The following LRP2 variants were observed in gnomAD, a reference collection of about 807,000 sequenced individuals.
The protein encoded by LRP2 is low-density lipoprotein receptor-related protein 2.
LRP2 carries 172 observed loss-of-function variants against 531.0 expected under a neutral mutation model. The observed-to-expected ratio is 0.32, with a 90% CI of 0.29 to 0.37. The LOEUF (loss-of-function observed/expected upper bound fraction) is 0.37. Ranked by LOEUF, LRP2 falls within the 10% of genes least tolerant of loss-of-function variation. The probability of loss-of-function intolerance (pLI) is 1.00; values close to 1 mark genes in which losing one functional copy is unlikely to be tolerated. For synonymous variants in LRP2, 1,992 were observed against 2,027.6 expected (o/e 0.98, Z 0.47); for missense variants, 5,167 against 5,868.3 (o/e 0.88, Z 3.90).
At chr2:169,140,594 A>C (rs754531012) in intron 71 of LRP2, 49 bp from the exon 72 acceptor site, 1 of 1,443,870 alleles carries the variant, frequency 6.9e-7, no homozygotes, top group Non-Finnish European at 9.7e-7. Flanking sequence ...TACTCAGCAG[A>C]GTGCCCACAC....
intron 62 of LRP2, among the ~76,000 whole-genome samples, chr2:169,164,914 G>A (rs1470035078): frequency 6.6e-6 from 1 of 152,184 alleles, no homozygotes; most frequent in Non-Finnish European, 1.5e-5. Context: ...TTTGGGGAAG[G>A]GGGAAATCTG....
At chr2:169,340,893 T>C (rs553198820) in intron 1 of LRP2, among the ~76,000 whole-genome samples, 1 of 152,252 alleles carries the variant, frequency 6.6e-6, no homozygotes, top group South Asian at 2.1e-4. Flanking sequence ...AACAAAAATT[T>C]CTTGAGTGCA....
At chr2:169,240,099 C>A (rs1559034990) in intron 25 of LRP2, among the ~76,000 whole-genome samples, 2 of 139,374 alleles carry the variant, frequency 1.4e-5, no homozygotes, top group East Asian at 4.8e-4. Flanking sequence ...ATTGATAGAG[C>A]ATGCAAAGAC....
At chr2:169,267,009 T>TC in intron 16 of LRP2, among the ~76,000 whole-genome samples, 1 of 150,420 alleles carries the variant, frequency 6.6e-6, no homozygotes, top group East Asian at 2.0e-4. Context: ...CATTGCAGCC[T>TC]CCCAAGTAGT....
chr2:169,293,688 C>T (rs548617762), intron 6 of LRP2, among the ~76,000 whole-genome samples: 19 of 151,990 alleles, frequency 1.3e-4, no homozygotes, highest in African/African-American at 3.4e-4. Context: ...AAAAAGAAAA[C>T]GAAGAAAAAG....
At chr2:169,279,182 A>G (rs1683634177) in intron 12 of LRP2, among the ~76,000 whole-genome samples, 190 bp downstream of exon 12, 1 of 152,180 alleles carries the variant, frequency 6.6e-6, no homozygotes, top group Admixed American at 6.6e-5. Context: ...CATGTCCTCA[A>G]ATAGGATTAT....
At chr2:169,339,175 C>A (rs1450231431) in intron 1 of LRP2, among the ~76,000 whole-genome samples, 1 of 151,348 alleles carries the variant, frequency 6.6e-6, no homozygotes, top group African/African-American at 2.4e-5. Context: ...CTTCTATATT[C>A]ATCATCTGCA....
chr2:169,300,219 G>C (rs1684253813), intron 4 of LRP2, among the ~76,000 whole-genome samples: 1 of 152,048 alleles, frequency 6.6e-6, no homozygotes, highest in African/African-American at 2.4e-5. Context: ...ATTTGGGAGA[G>C]TGAAATTACA....
intron 63 of LRP2, among the ~76,000 whole-genome samples, chr2:169,159,417 CA>C (rs1166164825): frequency 7.9e-5 from 12 of 152,058 alleles, no homozygotes; most frequent in Middle Eastern, 6.8e-3. Context: ...GAAAAATAAC[CA>C]AAATAAAGTA....
intron 75 of LRP2, 101 bp from the exon 76 acceptor site, chr2:169,137,594 T>C (rs1574062290): frequency 1.6e-6 from 1 of 626,742 alleles, no homozygotes; most frequent in Non-Finnish European, 2.9e-6. Flanking sequence ...GGTGCCTTCC[T>C]CACACCTGGA....
intron 4 of LRP2, among the ~76,000 whole-genome samples, chr2:169,301,478 A>C (rs1684284037): frequency 6.6e-6 from 1 of 152,056 alleles, no homozygotes. Context: ...TGAATAATAA[A>C]AGAACTAAGG....
intron 16 of LRP2, among the ~76,000 whole-genome samples, chr2:169,262,007 C>T (rs1353258250): frequency 6.6e-6 from 1 of 151,670 alleles, no homozygotes; most frequent in Non-Finnish European, 1.5e-5. Context: ...ATGATTATCT[C>T]AATAGATGCA....
chr2:169,159,782 C>T (rs957505905), intron 63 of LRP2, among the ~76,000 whole-genome samples: 1 of 152,118 alleles, frequency 6.6e-6, no homozygotes, highest in African/African-American at 2.4e-5. Flanking sequence ...GTCACATAAC[C>T]TCCATGGGTC....
At chr2:169,285,702 G>T (rs1043302584) in intron 9 of LRP2, among the ~76,000 whole-genome samples, 19 of 152,066 alleles carry the variant, frequency 1.2e-4, no homozygotes, top group Non-Finnish European at 2.8e-4. Context: ...TCTGCACCAC[G>T]ATGTCATTCT....
chr2:169,300,519 C>T (rs1307006011), intron 4 of LRP2, among the ~76,000 whole-genome samples: 1 of 151,916 alleles, frequency 6.6e-6, no homozygotes, highest in African/African-American at 2.4e-5. Context: ...TAAACGGAAA[C>T]AGCCATTAAC....
Position 169,362,450 on chromosome 2 carries a change from C to A in LRP2, c.-51G>T. On this transcript the variant is annotated 5_prime_UTR_variant, in exon 1 of 79. Coordinates refer to ENST00000649046, the MANE Select transcript of LRP2 (RefSeq NM_004525.3). The stretch of plus-strand genomic sequence containing the variant: ...GTTCCTTCCCCGGGAGGTGGGCGCG[C>A]GTAGCACACCGCACCGGCAGCGCCT... 4 of 1,437,094 alleles carry A rather than the reference C, an allele frequency of 2.8e-6. No individual in the cohort carries two copies. The highest frequency in any genetic ancestry group is 3.8e-6 in the Non-Finnish European group (4 of 1,052,522). The allele number at this position is 1,437,094 out of a possible 1,614,324, so 89.0% of individuals were successfully genotyped here. A position where few individuals can be genotyped will look rare whatever the true frequency, so the allele number is the denominator to read the frequency against.
intron 15 of LRP2, among the ~76,000 whole-genome samples, chr2:169,272,384 T>G (rs558528489): frequency 1.3e-5 from 2 of 152,080 alleles, no homozygotes; most frequent in Non-Finnish European, 2.9e-5. Flanking sequence ...AAAAACTGTG[T>G]GAGTAACTGA....
intron 3 of LRP2, 70 bp downstream of exon 3, chr2:169,318,692 A>T (rs1684831898): frequency 6.2e-7 from 1 of 1,604,476 alleles, no homozygotes; most frequent in East Asian, 2.2e-5. Context: ...CATTGTGTGT[A>T]ACTTCTTTGC....
intron 44 of LRP2, among the ~76,000 whole-genome samples, chr2:169,199,540 C>T (rs1227616395): frequency 6.6e-6 from 1 of 152,054 alleles, no homozygotes; most frequent in Non-Finnish European, 1.5e-5. Context: ...AAATGCACCT[C>T]GTCATGTAGT....
Sources: allele counts gnomAD v4.1 joint callset (sites outside exome capture counted in the v4.1 genomes callset), GRCh38; gene constraint gnomAD v4.1.1; transcripts MANE v1.5; gene names NCBI Gene and HGNC (gene_info 2026-07-23, HGNC 2026-07-21).